Variants in CCDC141 observed in about 807,000 individuals in gnomAD.
The protein encoded by CCDC141 is coiled-coil domain-containing protein 141.
Under a neutral mutation model 181.0 loss-of-function variants are expected in CCDC141, and 168 were observed. That is an observed-to-expected ratio of 0.93 (90% CI 0.82 to 1.05). CCDC141 has a LOEUF of 1.05. Ranked by LOEUF, CCDC141 falls within the 50% of genes least tolerant of loss-of-function variation. The pLI is 0.00. For missense variants in CCDC141, 1,902 were observed against 1,788.5 expected (o/e 1.06, Z -1.14); for synonymous variants, 666 against 642.3 (o/e 1.04, Z -0.56).
Position 178,944,577 on chromosome 2 carries a change from C to T in CCDC141, c.855G>A (p.Glu285=). The T allele has an allele frequency of 6.5e-7, 1 of 1,537,912 alleles. No homozygotes were observed. Among genetic ancestry groups the T allele is most frequent in the Non-Finnish European group, 8.8e-7 (1 of 1,140,456 alleles). Residue 285 remains glutamate (E), a synonymous_variant, in exon 6 of 24, where the codon GAG becomes GAA. Transcript: ENST00000443758. ...GTTCCTCTTGCTTATGAATTCGATC[C>T]TCATTGTCTGAAAGTGATGAACCTA... ...QSLGSSLSDN[E]DRIHKQEELI...
chr2:178,946,146 G>A lies in CCDC141; in HGVS notation c.781-1495C>T, dbSNP rs553177334. Among the ~76,000 whole-genome samples, 103 of 152,144 alleles carry A rather than the reference G, an allele frequency of 6.8e-4. No homozygotes were observed. The South Asian group carries it at 0.018, about 26-fold the overall frequency. The stretch of plus-strand genomic sequence containing the variant: ...TGTGACATATATCTCATTTTCTTCC[G>A]AATATCTGGTAATCTATGCACAAAA... On this transcript the variant is annotated intron_variant, in intron 5 of 23. Coordinates refer to ENST00000443758, the MANE Select transcript of CCDC141 (RefSeq NM_173648.4).
intron 8 of CCDC141, among the ~76,000 whole-genome samples, chr2:178,895,083 G>A (rs6750760): frequency 0.6 from 90,800 of 151,950 alleles, 27,604 homozygotes; most frequent in Admixed American, 0.67. Flanking sequence ...ACTTGTACCT[G>A]CTTACCGTTA....
Position 178,885,078 on chromosome 2 carries a change from T to C in CCDC141, c.1542A>G (p.Glu514=). The change falls in exon 11 of 24, where the codon GAA becomes GAG. Residue 514 remains glutamate, a synonymous_variant. Coordinates refer to ENST00000443758, the MANE Select transcript of CCDC141 (RefSeq NM_173648.4). ...LDIQAKETSH[E]LEAAAKTMME... is the part of the protein sequence containing the mutation. ...TCATGGTTTTTGCAGCTGCTTCTAATTCATGTGATGTCTCCTGTAAAAGCA... is the reference window on the plus strand; with the variant it reads ...TCATGGTTTTTGCAGCTGCTTCTAACTCATGTGATGTCTCCTGTAAAAGCA... 1 of 1,549,516 alleles carries C rather than the reference T, an allele frequency of 6.5e-7. No individual in the cohort carries two copies. Among genetic ancestry groups the C allele is most frequent in the Non-Finnish European group, 8.7e-7 (1 of 1,146,344 alleles).
chr2:179,045,116 T>G (rs1283078075), intron 2 of CCDC141, among the ~76,000 whole-genome samples: 1 of 150,566 alleles, frequency 6.6e-6, no homozygotes. Context: ...ACCCACTAAC[T>G]CGTCATCTAG....
intron 22 of CCDC141, among the ~76,000 whole-genome samples, chr2:178,845,238 A>G (rs184279566): frequency 3.7e-4 from 57 of 152,338 alleles, no homozygotes; most frequent in Non-Finnish European, 4.0e-4. Context: ...CATAAAAATC[A>G]TGGCTTGGCA....
Position 179,050,111 on chromosome 2 carries a change from T to G in CCDC141, c.-170A>C, listed in dbSNP as rs1575393245. Reference sequence around the variant, plus strand: ...GGAGGTTAAAAATAGACAACCCCATTGAGTTTATCGTGAGAGAGAAAGGAG... The same window carrying G: ...GGAGGTTAAAAATAGACAACCCCATGGAGTTTATCGTGAGAGAGAAAGGAG... On this transcript the variant is annotated 5_prime_UTR_variant, in exon 1 of 24. Coordinates refer to ENST00000443758, the MANE Select transcript of CCDC141 (RefSeq NM_173648.4). 2 of 1,017,052 alleles carry G rather than the reference T, an allele frequency of 2.0e-6. No individual in the cohort carries two copies. Among genetic ancestry groups the G allele is most frequent in the Non-Finnish European group, 2.7e-6 (2 of 730,186 alleles). The allele number at this position is 1,017,052 out of a possible 1,614,324, so 63.0% of individuals were successfully genotyped here.
intron 2 of CCDC141, among the ~76,000 whole-genome samples, chr2:178,985,387 T>C (rs1575306687): frequency 7.0e-6 from 1 of 142,268 alleles, no homozygotes; most frequent in East Asian, 2.0e-4. Context: ...ATTGACACCC[T>C]AACATCACAA....
chr2:178,887,278 G>A (rs1686930007), intron 9 of CCDC141, among the ~76,000 whole-genome samples: 1 of 152,150 alleles, frequency 6.6e-6, no homozygotes, highest in East Asian at 1.9e-4. Flanking sequence ...TCCAGAGCAT[G>A]AGCATTGCAG....
chr2:179,040,379 A>G (rs1429316202), intron 2 of CCDC141, among the ~76,000 whole-genome samples: 1 of 152,154 alleles, frequency 6.6e-6, no homozygotes, highest in Non-Finnish European at 1.5e-5. Context: ...TTTATTTCCA[A>G]CTTTAATTTT....
intron 8 of CCDC141, among the ~76,000 whole-genome samples, chr2:178,890,677 A>C (rs1168349653): frequency 6.6e-6 from 1 of 151,968 alleles, no homozygotes; most frequent in Non-Finnish European, 1.5e-5. Context: ...TTGAATCCCT[A>C]CTTTGTCTTA....
At chr2:178,858,782 T>C (rs1181710209) in intron 17 of CCDC141, among the ~76,000 whole-genome samples, 3 of 152,224 alleles carry the variant, frequency 2.0e-5, no homozygotes, top group Middle Eastern at 3.4e-3. Context: ...TCTACTGAAA[T>C]GTGACATATA....
At chr2:179,017,842 G>T (rs1233470845) in intron 2 of CCDC141, among the ~76,000 whole-genome samples, 1 of 152,050 alleles carries the variant, frequency 6.6e-6, no homozygotes, top group Non-Finnish European at 1.5e-5. Flanking sequence ...TGACGATGAG[G>T]TATGGCACTT....
intron 3 of CCDC141, among the ~76,000 whole-genome samples, chr2:178,976,619 T>A (rs1691135244): frequency 6.6e-6 from 1 of 152,190 alleles, no homozygotes; most frequent in South Asian, 2.1e-4. Context: ...CTGACAGTTA[T>A]GTCTGTGAGC....
the CCDC141 span, among the ~76,000 whole-genome samples, chr2:178,820,407 A>C: frequency 6.6e-5 from 10 of 152,202 alleles, no homozygotes; most frequent in East Asian, 1.7e-3. Flanking sequence ...ACTAGAATTT[A>C]TAATTTTACA....
intron 17 of CCDC141, among the ~76,000 whole-genome samples, chr2:178,856,960 A>T (rs180703214): frequency 6.6e-6 from 1 of 152,350 alleles, no homozygotes; most frequent in East Asian, 1.9e-4. Context: ...TTCCAAATAT[A>T]AGTAATTATA....
In CCDC141 at chr2:178,845,621, T is replaced by C; in HGVS notation, c.3474+5A>G. On this transcript the variant is annotated splice_donor_5th_base_variant and intron_variant, in intron 22 of 23. Coordinates refer to ENST00000443758, the MANE Select transcript of CCDC141 (RefSeq NM_173648.4). The stretch of plus-strand genomic sequence containing the variant: ...CAATAGCTGAGGTTAAGTAGTTTTC[T>C]TTACCTTATTCCTTTCTTCATTGAA... 1.3e-6 allele frequency: 2 copies of C among 1,526,832 alleles called. No individual in the cohort carries two copies. Among genetic ancestry groups the C allele is most frequent in the East Asian group, 4.5e-5 (2 of 44,426 alleles). The allele number at this position is 1,526,832 out of a possible 1,614,324, so 94.6% of individuals were successfully genotyped here. A position where few individuals can be genotyped will look rare whatever the true frequency, so the allele number is the denominator to read the frequency against.
rs1422004775 is a variant in CCDC141, at chr2:178,975,040, A to G, written c.526+17T>C. On this transcript the variant is annotated intron_variant, in intron 4 of 23. Transcript: ENST00000443758. Reference sequence around the variant, plus strand: ...AAACCTCTAAACACTTCTGTGAGAAATAAACATATTTCTTGCCTTTAGTAT... The same window carrying G: ...AAACCTCTAAACACTTCTGTGAGAAGTAAACATATTTCTTGCCTTTAGTAT... 2.5e-5 allele frequency: 32 copies of G among 1,291,548 alleles called. No homozygotes were observed. The highest frequency in any genetic ancestry group is 3.3e-5 in the Non-Finnish European group (31 of 927,414). 80.0% of individuals were successfully genotyped at this position (1,291,548 alleles called of 1,614,324 possible).
intron 8 of CCDC141, among the ~76,000 whole-genome samples, chr2:178,899,324 T>C (rs1373814509): frequency 6.6e-6 from 1 of 152,152 alleles, no homozygotes; most frequent in East Asian, 1.9e-4. Flanking sequence ...CAGAATCACC[T>C]AAGACTCATT....
chr2:179,020,386 G>A (rs1296047243), intron 2 of CCDC141, among the ~76,000 whole-genome samples: 1 of 152,108 alleles, frequency 6.6e-6, no homozygotes, highest in Admixed American at 6.5e-5. Context: ...AATCCTCCAA[G>A]CTGGAACTGG....
Sources: allele counts gnomAD v4.1 joint callset (sites outside exome capture counted in the v4.1 genomes callset), GRCh38; gene constraint gnomAD v4.1.1; transcripts MANE v1.5; gene names NCBI Gene and HGNC (gene_info 2026-07-23, HGNC 2026-07-21).